DCC: variants seen among roughly 807,000 people sequenced by gnomAD.
The protein encoded by DCC is DCC netrin 1 receptor, also known as netrin receptor DCC.
A neutral mutation model predicts 172.5 loss-of-function variants in DCC; 58 were observed. The ratio of observed to expected loss-of-function variants is 0.34; its 90% CI spans 0.27 to 0.42. The LOEUF is 0.42. DCC is among the 10% of genes least tolerant of loss of function. DCC has a pLI of 1.00. For synonymous variants in DCC, 709 were observed against 644.5 expected (o/e 1.10, Z -1.52); for missense variants, 1,740 against 1,791.0 (o/e 0.97, Z 0.51).
chr18:53,088,752 G>T (rs1455589738), intron 7 of DCC, among the ~76,000 whole-genome samples: 1 of 152,004 alleles, frequency 6.6e-6, no homozygotes, highest in African/African-American at 2.4e-5. Context: ...ATTGCTACCT[G>T]GAGTTTCTCC....
intron 11 of DCC, among the ~76,000 whole-genome samples, chr18:53,212,029 CAG>C (rs1442595149): frequency 1.3e-5 from 2 of 152,118 alleles, no homozygotes; most frequent in Non-Finnish European, 2.9e-5. Context: ...GCCTGGGCAA[CAG>C]AGAGAAATTC....
chr18:52,819,576 T>A (rs1231037307), intron 2 of DCC, among the ~76,000 whole-genome samples: 1 of 152,178 alleles, frequency 6.6e-6, no homozygotes, highest in African/African-American at 2.4e-5. Context: ...ACCATGTGTT[T>A]TTGTGTTTGA....
chr18:53,089,802 A>G (rs1475045832), intron 7 of DCC, among the ~76,000 whole-genome samples: 1 of 151,922 alleles, frequency 6.6e-6, no homozygotes, highest in African/African-American at 2.4e-5. Context: ...CATTATCTCA[A>G]TTTTCTTATG....
At chr18:52,883,897 T>C (rs776407418) in intron 2 of DCC, among the ~76,000 whole-genome samples, 2 of 151,694 alleles carry the variant, frequency 1.3e-5, no homozygotes, top group African/African-American at 2.4e-5. Context: ...CTGGTGTTGA[T>C]GAAATCCCCT....
intron 1 of DCC, among the ~76,000 whole-genome samples, chr18:52,471,760 CT>C (rs1221429716): frequency 7.9e-5 from 12 of 152,176 alleles, no homozygotes; most frequent in Admixed American, 5.2e-4. Flanking sequence ...CTTACAGAGG[CT>C]TTTAAAATCA....
At chr18:53,403,074 GCACACACACACACACACA>G (rs3059148) in intron 19 of DCC, among the ~76,000 whole-genome samples, 181 bp downstream of exon 19, 52 of 145,908 alleles carry the variant, frequency 3.6e-4, no homozygotes, top group African/African-American at 8.4e-4. Flanking sequence ...TTCTAATGGT[GCACACACACACACACACA>G]CACACACACA....
At chr18:53,329,146 G>A (rs1333104724) in intron 14 of DCC, among the ~76,000 whole-genome samples, 2 of 152,102 alleles carry the variant, frequency 1.3e-5, no homozygotes, top group East Asian at 3.8e-4. Context: ...AGGAATATAA[G>A]CAAGCTTTCA....
At chr18:52,751,106 G>A (rs1438977385) in intron 1 of DCC, among the ~76,000 whole-genome samples, 1 of 152,128 alleles carries the variant, frequency 6.6e-6, no homozygotes, top group Non-Finnish European at 1.5e-5. Context: ...AAGATACCGA[G>A]GGACATTGTA....
intron 14 of DCC, among the ~76,000 whole-genome samples, chr18:53,335,733 G>C (rs1243048823): frequency 6.6e-6 from 1 of 152,076 alleles, no homozygotes; most frequent in Non-Finnish European, 1.5e-5. Flanking sequence ...CTGTTTTCAT[G>C]CTGCTGATAA....
At chr18:52,561,776 C>T (rs780149346) in intron 1 of DCC, among the ~76,000 whole-genome samples, 2 of 152,022 alleles carry the variant, frequency 1.3e-5, no homozygotes, top group Non-Finnish European at 2.9e-5. Context: ...TGTGTGTGAC[C>T]AGTGCTTTGT....
chr18:53,473,248 C>T (rs141610245), intron 25 of DCC, among the ~76,000 whole-genome samples: 2,236 of 152,330 alleles, frequency 0.015, 34 homozygotes, highest in Non-Finnish European at 0.024. Flanking sequence ...CCTCCTCCAA[C>T]AGCTTGTGAA....
At chr18:53,257,014 G>T (rs1448177995) in intron 12 of DCC, among the ~76,000 whole-genome samples, 1 of 152,112 alleles carries the variant, frequency 6.6e-6, no homozygotes, top group African/African-American at 2.4e-5. Flanking sequence ...CTCTCTGTTT[G>T]TCTGTTATTG....
At chr18:52,920,081 G>T (rs761780936) in intron 3 of DCC, among the ~76,000 whole-genome samples, 1 of 148,392 alleles carries the variant, frequency 6.7e-6, no homozygotes, top group Non-Finnish European at 1.5e-5. Context: ...AAAATGGACC[G>T]TAAACCTAAA....
Position 53,530,828 on chromosome 18 carries a change from A to T in DCC, c.*175A>T. On this transcript the variant is annotated 3_prime_UTR_variant, in exon 29 of 29. Coordinates refer to ENST00000442544, the MANE Select transcript of DCC (RefSeq NM_005215.4). ...AGAAGGAATAAGCATTCCTTCTTTCACAGGCATCAGGAATTGTCAAATGAT... is the reference window on the plus strand; with the variant it reads ...AGAAGGAATAAGCATTCCTTCTTTCTCAGGCATCAGGAATTGTCAAATGAT... 1 of 672,354 alleles carries T rather than the reference A, an allele frequency of 1.5e-6. No homozygotes were observed. The highest frequency in any genetic ancestry group is 2.7e-6 in the Non-Finnish European group (1 of 366,728). 41.6% of individuals were successfully genotyped at this position (672,354 alleles called of 1,614,324 possible).
intron 1 of DCC, among the ~76,000 whole-genome samples, chr18:52,436,763 A>T (rs1987809291): frequency 2.0e-5 from 3 of 151,914 alleles, no homozygotes. Flanking sequence ...CAAACAAACA[A>T]ACAAAAATCA....
At chr18:52,590,943 G>A (rs2033786391) in intron 1 of DCC, among the ~76,000 whole-genome samples, 1 of 152,174 alleles carries the variant, frequency 6.6e-6, no homozygotes, top group African/African-American at 2.4e-5. Context: ...GTAGATGAAT[G>A]TCTTCACATA....
chr18:52,801,460 G>T (rs1181282719), intron 2 of DCC, among the ~76,000 whole-genome samples: 1 of 152,042 alleles, frequency 6.6e-6, no homozygotes, highest in Non-Finnish European at 1.5e-5. Flanking sequence ...AAAAAAAATT[G>T]CCTCACAAAG....
At chr18:53,020,870 G>A (rs2058510778) in intron 5 of DCC, among the ~76,000 whole-genome samples, 1 of 152,112 alleles carries the variant, frequency 6.6e-6, no homozygotes, top group Non-Finnish European at 1.5e-5. Context: ...TGCAGAGCCT[G>A]CGGATTAATG....
chr18:52,776,749 C>T (rs981770264), intron 2 of DCC, among the ~76,000 whole-genome samples: 34 of 152,132 alleles, frequency 2.2e-4, no homozygotes, highest in African/African-American at 6.0e-4. Flanking sequence ...CCCTGTGACT[C>T]CTCAACAAAC....
Sources: allele counts gnomAD v4.1 joint callset (sites outside exome capture counted in the v4.1 genomes callset), GRCh38; gene constraint gnomAD v4.1.1; transcripts MANE v1.5; gene names NCBI Gene and HGNC (gene_info 2026-07-23, HGNC 2026-07-21).